The following TMEM132D variants were observed in gnomAD, a reference collection of about 807,000 sequenced individuals.
TMEM132D encodes the protein mature OL transmembrane protein.
In TMEM132D, 21 loss-of-function variants were observed where a neutral mutation model predicts 62.3. The observed-to-expected ratio is 0.34, with a 90% CI of 0.24 to 0.49. The LOEUF (loss-of-function observed/expected upper bound fraction) is 0.49. TMEM132D is among the 20% of genes least tolerant of loss of function. The probability of loss-of-function intolerance (pLI) is 0.99; values close to 1 mark genes in which losing one functional copy is unlikely to be tolerated. For missense variants in TMEM132D, 1,346 were observed against 1,402.8 expected, an observed-to-expected ratio of 0.96 and a Z score of 0.65; for synonymous variants, 621 against 575.6, an observed-to-expected ratio of 1.08 and a Z score of -1.13.
chr12:129,578,395 G>T (rs1012915050), intron 2 of TMEM132D, among the ~76,000 whole-genome samples: 3 of 98,746 alleles, frequency 3.0e-5, no homozygotes, highest in African/African-American at 1.1e-4. Flanking sequence ...GGAGAACGCT[G>T]AGTAATACAA....
intron 4 of TMEM132D, among the ~76,000 whole-genome samples, chr12:129,234,025 A>C (rs539233875): frequency 1.3e-5 from 2 of 152,314 alleles, no homozygotes; most frequent in South Asian, 4.1e-4. Context: ...AGATTATTTC[A>C]TTTTCTCAAC....
At chr12:129,413,695 G>A (rs1356359497) in intron 3 of TMEM132D, among the ~76,000 whole-genome samples, 1 of 152,128 alleles carries the variant, frequency 6.6e-6, no homozygotes. Flanking sequence ...AATATTTACT[G>A]TGTGCCAGGT....
chr12:129,714,128 G>C (rs973845753), intron 1 of TMEM132D, among the ~76,000 whole-genome samples: 1 of 152,120 alleles, frequency 6.6e-6, no homozygotes, highest in Non-Finnish European at 1.5e-5. Flanking sequence ...TGCCCCCGGG[G>C]CCTTTGCACT....
chr12:129,108,645 C>G (rs1875581061), intron 5 of TMEM132D, among the ~76,000 whole-genome samples: 1 of 152,168 alleles, frequency 6.6e-6, no homozygotes, highest in Non-Finnish European at 1.5e-5. Context: ...TGGGGAAGCA[C>G]TCCCTGGCTC....
chr12:129,217,547 G>C (rs542876272), intron 4 of TMEM132D, among the ~76,000 whole-genome samples: 2 of 152,182 alleles, frequency 1.3e-5, no homozygotes, highest in African/African-American at 2.4e-5. Flanking sequence ...GAAGGCATCA[G>C]AGGAAGATGG....
At chr12:129,207,859 G>A (rs944532975) in intron 5 of TMEM132D, among the ~76,000 whole-genome samples, 2 of 152,202 alleles carry the variant, frequency 1.3e-5, no homozygotes. Flanking sequence ...GATCAAATCA[G>A]TGTAACTGAG....
intron 2 of TMEM132D, among the ~76,000 whole-genome samples, chr12:129,651,837 A>G (rs1248908446): frequency 1.3e-5 from 2 of 152,204 alleles, no homozygotes; most frequent in Admixed American, 6.5e-5. Context: ...ACTCTGCAAA[A>G]TTGCCAGGGG....
intron 2 of TMEM132D, among the ~76,000 whole-genome samples, chr12:129,671,533 T>C (rs1350315424): frequency 6.6e-6 from 1 of 152,056 alleles, no homozygotes; most frequent in Non-Finnish European, 1.5e-5. Flanking sequence ...ACAGGAAATG[T>C]AAGAATATGA....
intron 3 of TMEM132D, among the ~76,000 whole-genome samples, chr12:129,513,344 T>C (rs1875549997): frequency 6.6e-6 from 1 of 152,134 alleles, no homozygotes; most frequent in African/African-American, 2.4e-5. Flanking sequence ...CACTCAGCCA[T>C]TGATGAGGGA....
chr12:129,329,336 G>T, intron 4 of TMEM132D, among the ~76,000 whole-genome samples: 1 of 152,116 alleles, frequency 6.6e-6, no homozygotes, highest in East Asian at 1.9e-4. Flanking sequence ...GGTTGAGAAA[G>T]TATAAAAATG....
intron 4 of TMEM132D, among the ~76,000 whole-genome samples, chr12:129,285,148 T>C (rs1444968947): frequency 1.3e-5 from 2 of 152,286 alleles, no homozygotes; most frequent in East Asian, 3.9e-4. Context: ...GATGTGGCCC[T>C]TTGTGTAGGA....
At chr12:129,843,671 A>T (rs1873270188) in intron 1 of TMEM132D, among the ~76,000 whole-genome samples, 2 of 152,232 alleles carry the variant, frequency 1.3e-5, no homozygotes, top group South Asian at 4.1e-4. Flanking sequence ...ATACAAATAC[A>T]TCACATTTGT....
At chr12:129,086,938 ATAAT>A (rs1874639513) in intron 5 of TMEM132D, among the ~76,000 whole-genome samples, 1 of 152,124 alleles carries the variant, frequency 6.6e-6, no homozygotes, top group Admixed American at 6.5e-5. Context: ...ACTGTTTTCC[ATAAT>A]TAATTTTCCA....
intron 5 of TMEM132D, among the ~76,000 whole-genome samples, chr12:129,185,130 T>G (rs1878186235): frequency 6.6e-6 from 1 of 152,156 alleles, no homozygotes; most frequent in South Asian, 2.1e-4. Flanking sequence ...AACTGAAAGG[T>G]TAGAATTCCC....
chr12:129,752,708 G>T (rs1334181300), intron 1 of TMEM132D, among the ~76,000 whole-genome samples: 3 of 152,180 alleles, frequency 2.0e-5, no homozygotes, highest in Non-Finnish European at 4.4e-5. Flanking sequence ...TGCGGGAAAG[G>T]ACAGGGCCCT....
intron 5 of TMEM132D, among the ~76,000 whole-genome samples, chr12:129,168,398 GA>G (rs995125236): frequency 1.3e-5 from 2 of 152,124 alleles, no homozygotes; most frequent in African/African-American, 4.8e-5. Context: ...ACACCCAAAA[GA>G]ATCCCCATAC....
chr12:129,683,848 T>C (rs1441924235), intron 2 of TMEM132D, among the ~76,000 whole-genome samples: 1 of 152,212 alleles, frequency 6.6e-6, no homozygotes, highest in East Asian at 1.9e-4. Flanking sequence ...CCAGCCATCA[T>C]ATTAGTATTC....
intron 4 of TMEM132D, among the ~76,000 whole-genome samples, chr12:129,274,229 G>C (rs1420506211): frequency 6.6e-6 from 1 of 150,486 alleles, no homozygotes; most frequent in African/African-American, 2.5e-5. Context: ...CCTCAAACCT[G>C]CCAGCTTTTC....
At chr12:129,656,789 TA>T (rs1880094398) in intron 2 of TMEM132D, among the ~76,000 whole-genome samples, 1 of 152,188 alleles carries the variant, frequency 6.6e-6, no homozygotes, top group Non-Finnish European at 1.5e-5. Flanking sequence ...GTTAATCACT[TA>T]TAAGAGATAG....
Sources: gnomAD v4.1 joint callset for allele counts (sites outside exome capture counted in the v4.1 genomes callset) on GRCh38, gnomAD v4.1.1 for gene constraint, MANE v1.5 for transcripts, NCBI Gene and HGNC (gene_info 2026-07-23, HGNC 2026-07-21) for gene names.